SPINT2: variants seen among roughly 807,000 people sequenced by gnomAD.
SPINT2 encodes the protein kunitz-type protease inhibitor 2.
In SPINT2, 18 loss-of-function variants were observed where a neutral mutation model predicts 30.1. The observed-to-expected ratio is 0.60, with a 90% CI of 0.41 to 0.89. The LOEUF is 0.89. SPINT2 is among the 40% of genes least tolerant of loss of function. The pLI is 0.00. For synonymous variants in SPINT2, 139 were observed against 137.9 expected (o/e 1.01, Z -0.05); for missense variants, 276 against 334.3 (o/e 0.83, Z 1.36).
In SPINT2 at chr19:38,277,406, G is replaced by A. The variant is rs114991912; in HGVS notation, c.107-6221G>A. ...ACTGCAGGTGCACACCACCACACCC[G>A]GCTCATTTTTTTTGTATTTTTGAGC... On this transcript the variant is annotated intron_variant, in intron 1 of 6. Coordinates refer to ENST00000301244, the MANE Select transcript of SPINT2 (RefSeq NM_021102.4). Among the ~76,000 whole-genome samples, 742 of 151,684 alleles carry A rather than the reference G, an allele frequency of 4.9e-3. 6 individuals are homozygous for A. Among genetic ancestry groups the A allele is most frequent in the African/African-American group, 0.017 (705 of 41,408 alleles).
intron 2 of SPINT2, among the ~76,000 whole-genome samples, chr19:38,287,486 C>T (rs71354992): frequency 4.6e-5 from 7 of 152,182 alleles, no homozygotes; most frequent in South Asian, 4.1e-4. Flanking sequence ...CGTAAGCCAC[C>T]GCACCCGGCC....
chr19:38,287,780 A>T, intron 2 of SPINT2, 96 bp from the exon 3 acceptor site: 1 of 1,311,174 alleles, frequency 7.6e-7, no homozygotes, highest in Non-Finnish European at 1.1e-6. Context: ...GGAGAAGTGG[A>T]TGCTGTGGTG....
At chr19:38,281,610 G>A (rs1968582250) in intron 1 of SPINT2, among the ~76,000 whole-genome samples, 1 of 152,054 alleles carries the variant, frequency 6.6e-6, no homozygotes, top group Admixed American at 6.6e-5. Flanking sequence ...TTGGGAGGCT[G>A]AGGCAGGAGA....
rs1968360437 is a variant in SPINT2, at chr19:38,264,989, A to G, written c.97A>G (p.Ser33Gly). The G allele has an allele frequency of 6.5e-7, 1 of 1,530,824 alleles. No individual in the cohort carries two copies. Among genetic ancestry groups the G allele is most frequent in the South Asian group, 1.2e-5 (1 of 83,544 alleles). The allele number at this position is 1,530,824 out of a possible 1,614,324, so 94.8% of individuals were successfully genotyped here. Residue 33 changes from serine (S) to glycine (G), a missense_variant, in exon 1 of 7, where the codon AGC (serine) becomes GGC (glycine). Coordinates refer to ENST00000301244, the MANE Select transcript of SPINT2 (RefSeq NM_021102.4). ...SGVLAADRER[S>G]IHDFCLVSKV... The stretch of plus-strand genomic sequence containing the variant: ...GGTCCTGGCGGCCGACCGAGAACGC[A>G]GCATCCACGGTGAGGGCCGGGCGGG...
At position 38,292,028 on chromosome 19, in the gene SPINT2, T is replaced by A. The variant is rs1222993548; in HGVS notation, c.*22T>A. On this transcript the variant is annotated 3_prime_UTR_variant, in exon 7 of 7. Transcript: ENST00000301244. ...GTGACCGCCCTGTCGCCAAGAGGAC[T>A]GGGGAAGGGAGGGGAGACTATGTGT... 1 of 1,613,372 alleles carries A rather than the reference T, an allele frequency of 6.2e-7. No homozygotes were observed. The highest frequency in any genetic ancestry group is 8.5e-7 in the Non-Finnish European group (1 of 1,179,858).
At chr19:38,270,194 G>C (rs1968437433) in intron 1 of SPINT2, among the ~76,000 whole-genome samples, 1 of 152,186 alleles carries the variant, frequency 6.6e-6, no homozygotes, top group Non-Finnish European at 1.5e-5. Flanking sequence ...TCGTGACCCT[G>C]GTGGTCAGAG....
chr19:38,273,541 A>G (rs1173308572), intron 1 of SPINT2, among the ~76,000 whole-genome samples: 1 of 152,202 alleles, frequency 6.6e-6, no homozygotes, highest in East Asian at 1.9e-4. Flanking sequence ...TCCCTGGTGA[A>G]AAGATGCTTG....
At chr19:38,272,299 A>G (rs1012701093) in intron 1 of SPINT2, among the ~76,000 whole-genome samples, 7 of 152,212 alleles carry the variant, frequency 4.6e-5, no homozygotes, top group Non-Finnish European at 1.0e-4. Flanking sequence ...ACAAAAAGAT[A>G]CTATAATAGT....
chr19:38,273,252 T>C (rs1459038765), intron 1 of SPINT2, among the ~76,000 whole-genome samples: 1 of 152,152 alleles, frequency 6.6e-6, no homozygotes, highest in Admixed American at 6.6e-5. Flanking sequence ...CTTTCTGTAC[T>C]GGAAACAGAA....
At chr19:38,266,183 C>A (rs1167374926) in intron 1 of SPINT2, among the ~76,000 whole-genome samples, 1 of 152,062 alleles carries the variant, frequency 6.6e-6, no homozygotes, top group East Asian at 1.9e-4. Context: ...AAAGACAGAG[C>A]CAGCCTGGCT....
intron 1 of SPINT2, among the ~76,000 whole-genome samples, chr19:38,268,741 G>A (rs1045141048): frequency 1.3e-5 from 2 of 149,734 alleles, no homozygotes; most frequent in Non-Finnish European, 3.0e-5. Context: ...TACAGTGTGA[G>A]ACAGAGAGAG....
At position 38,264,964 on chromosome 19, in the gene SPINT2, G is replaced by A. The variant is rs1252741278; in HGVS notation, c.72G>A (p.Gly24=). The change falls in exon 1 of 7, where the codon GGG becomes GGA. Residue 24 remains glycine (G), a synonymous_variant. Coordinates refer to ENST00000301244, the MANE Select transcript of SPINT2 (RefSeq NM_021102.4). The part of the protein sequence containing the change: ...LALLGSLLLS[G]VLAADRERSI... ...TGCTGGGATCGCTGCTCCTCTCTGGGGTCCTGGCGGCCGACCGAGAACGCA... is the reference window on the plus strand; with the variant it reads ...TGCTGGGATCGCTGCTCCTCTCTGGAGTCCTGGCGGCCGACCGAGAACGCA... 1.3e-6 allele frequency: 2 copies of A among 1,536,114 alleles called. No homozygotes were observed. Among genetic ancestry groups the A allele is most frequent in the East Asian group, 2.4e-5 (1 of 40,852 alleles).
intron 1 of SPINT2, among the ~76,000 whole-genome samples, chr19:38,274,739 C>T (rs1254055985): frequency 1.3e-5 from 2 of 151,294 alleles, no homozygotes; most frequent in Non-Finnish European, 2.9e-5. Context: ...GACTTGAACC[C>T]GGGAGGCAGA....
intron 1 of SPINT2, among the ~76,000 whole-genome samples, chr19:38,272,544 A>G (rs1231252358): frequency 6.6e-6 from 1 of 152,198 alleles, no homozygotes; most frequent in African/African-American, 2.4e-5. Context: ...TTAACAGCAG[A>G]CAGTTTCTTA....
intron 1 of SPINT2, among the ~76,000 whole-genome samples, chr19:38,267,827 A>AG (rs1329834304): frequency 6.6e-6 from 1 of 152,108 alleles, no homozygotes; most frequent in African/African-American, 2.4e-5. Flanking sequence ...ATAACGTGCC[A>AG]GGCGGGGTAG....
chr19:38,291,737 C>T, intron 6 of SPINT2, 103 bp from the exon 7 acceptor site: 11 of 1,434,424 alleles, frequency 7.7e-6, no homozygotes, highest in Non-Finnish European at 9.4e-6. Flanking sequence ...GGCATTTGGT[C>T]CTCAGGCTGA....
At chr19:38,267,194 G>T (rs1968389470) in intron 1 of SPINT2, among the ~76,000 whole-genome samples, 1 of 152,244 alleles carries the variant, frequency 6.6e-6, no homozygotes, top group South Asian at 2.1e-4. Flanking sequence ...CTGACTGGGT[G>T]AACTCATGCC....
At position 38,288,079 on chromosome 19, in the gene SPINT2, C is replaced by G. The variant is rs1968664426; in HGVS notation, c.337+144C>G. The G allele has an allele frequency of 4.7e-6, 4 of 852,430 alleles. No homozygotes were observed. The South Asian group carries it at 5.5e-5, about 12-fold the overall frequency. 52.8% of individuals were successfully genotyped at this position (852,430 alleles called of 1,614,324 possible). A position where few individuals can be genotyped will look rare whatever the true frequency, so the allele number is the denominator to read the frequency against. Reference sequence around the variant, plus strand: ...TGGCAAACCGGGGGCTCTGCCTGGGCTGCCGGCTTCTGGCTCCAGCATCCT... The same window carrying G: ...TGGCAAACCGGGGGCTCTGCCTGGGGTGCCGGCTTCTGGCTCCAGCATCCT... On this transcript the variant is annotated intron_variant, in intron 3 of 6. Coordinates refer to ENST00000301244, the MANE Select transcript of SPINT2 (RefSeq NM_021102.4).
intron 1 of SPINT2, 80 bp from the exon 2 acceptor site, chr19:38,283,547 G>T (rs545147522): frequency 1.3e-6 from 2 of 1,566,292 alleles, no homozygotes; most frequent in South Asian, 2.2e-5. Flanking sequence ...TCTCCTGGGG[G>T]ATCCATGTAC....
Sources: gnomAD v4.1 joint callset for allele counts (sites outside exome capture counted in the v4.1 genomes callset) on GRCh38, gnomAD v4.1.1 for gene constraint, MANE v1.5 for transcripts, NCBI Gene and HGNC (gene_info 2026-07-23, HGNC 2026-07-21) for gene names.